CTC1: variants seen among roughly 807,000 people sequenced by gnomAD.
CTC1 encodes CST telomere replication complex component 1.
CTC1 carries 91 observed loss-of-function variants against 136.3 expected under a neutral mutation model. That is an observed-to-expected ratio of 0.67 (90% CI 0.56 to 0.79). The LOEUF (loss-of-function observed/expected upper bound fraction) is 0.79. Ranked by LOEUF, CTC1 falls within the 30% of genes least tolerant of loss-of-function variation. CTC1 has a pLI of 0.00. For missense variants in CTC1, 1,432 were observed against 1,498.1 expected (o/e 0.96, Z 0.73); for synonymous variants, 606 against 613.8 (o/e 0.99, Z 0.19).
In CTC1 at chr17:8,229,305, C is replaced by G. The variant is rs3027242; in HGVS notation, c.3153G>C (p.Arg1051=). ...GCCTGTTCCTTCCCTCCCTTACCTG[C>G]CGGCAGATGCTGGTACAATAAGCAC... ...WVCAYCTSIC[R]QGKCTRLGST... Residue 1051 remains arginine (R), a synonymous_variant, in exon 19 of 23, where the codon CGG becomes CGC. Coordinates refer to ENST00000651323, the MANE Select transcript of CTC1 (RefSeq NM_025099.6). 4,257 of 1,614,172 alleles carry G rather than the reference C, an allele frequency of 2.6e-3. 108 individuals are homozygous for G. In the African/African-American group the frequency reaches 0.051, roughly 19 times the overall value.
chr17:8,228,475 A>G, intron 22 of CTC1, 28 bp downstream of exon 22: 1 of 1,613,998 alleles, frequency 6.2e-7, no homozygotes, highest in Non-Finnish European at 8.5e-7. Flanking sequence ...TCCCCCTATC[A>G]TCATGATCCC....
At position 8,232,181 on chromosome 17, in the gene CTC1, G is replaced by A. The variant is rs1457756617; in HGVS notation, c.2107C>T (p.Pro703Ser). The change falls in exon 13 of 23, where the codon CCC becomes TCC. Residue 703 changes from proline (P) to serine (S), a missense_variant. Coordinates refer to ENST00000651323, the MANE Select transcript of CTC1 (RefSeq NM_025099.6). ...FLADALILPV[P>S]RPCLHSATPS... is the part of the protein sequence containing the mutation. ...GTTGCTGAATGAAGGCAGGGTCTGG[G>A]CACAGGCAGGATCAGGGCATCAGCC... 2 of 1,527,242 alleles carry A rather than the reference G, an allele frequency of 1.3e-6. No individual in the cohort carries two copies. Among genetic ancestry groups the A allele is most frequent in the Non-Finnish European group, 1.8e-6 (2 of 1,141,220 alleles). 94.6% of individuals were successfully genotyped at this position (1,527,242 alleles called of 1,614,324 possible). A position where few individuals can be genotyped will look rare whatever the true frequency, so the allele number is the denominator to read the frequency against.
chr17:8,242,547 AAAAAAAATATAT>A (rs1265217387), intron 2 of CTC1, among the ~76,000 whole-genome samples: 8,760 of 95,418 alleles, frequency 0.092, 223 homozygotes, highest in Non-Finnish European at 0.14. Flanking sequence ...AAAAAAAAAA[AAAAAAAATATAT>A]ATATATATAT....
intron 16 of CTC1, 26 bp downstream of exon 16, chr17:8,230,537 C>A (rs1987127818): frequency 1.2e-6 from 2 of 1,613,652 alleles, no homozygotes; most frequent in African/African-American, 2.7e-5. Flanking sequence ...TATTTCATAC[C>A]TTCCCCACAA....
Position 8,235,246 on chromosome 17 carries a change from T to TC in CTC1, c.1245dup (p.Thr416AspfsTer112). ...CAGGGGGCGAGCACTGGCCTTCTTG[T>TC]CCCCCCTCCCACTGACTGGAGCAGG... is the stretch of plus-strand genomic sequence containing the variant. On this transcript the variant is annotated frameshift_variant, in exon 8 of 23. Coordinates refer to ENST00000651323, the MANE Select transcript of CTC1 (RefSeq NM_025099.6). LOFTEE classifies it high-confidence loss of function. The TC allele has an allele frequency of 1.9e-6, 3 of 1,613,612 alleles. No homozygotes were observed. The highest frequency in any genetic ancestry group is 2.5e-6 in the Non-Finnish European group (3 of 1,179,868).
rs556183031 is a variant in CTC1, at chr17:8,227,936, G to A, written c.*244C>T. 3.4e-5 allele frequency: 15 copies of A among 436,432 alleles called. No individual in the cohort carries two copies. Among genetic ancestry groups the A allele is most frequent in the African/African-American group, 2.0e-4 (10 of 50,852 alleles). 27.0% of individuals were successfully genotyped at this position (436,432 alleles called of 1,614,324 possible). On this transcript the variant is annotated 3_prime_UTR_variant, in exon 23 of 23. Transcript: ENST00000651323. ...AGTCAGAACCCAGGTGCTCAGGGCCGCCTGTGAATGCAGGTGCCTTGTCCC... is the reference window on the plus strand; with the variant it reads ...AGTCAGAACCCAGGTGCTCAGGGCCACCTGTGAATGCAGGTGCCTTGTCCC...
chr17:8,234,834 A>G lies in CTC1; in HGVS notation c.1532T>C (p.Leu511Pro). 1 of 1,613,456 alleles carries G rather than the reference A, an allele frequency of 6.2e-7. No individual in the cohort carries two copies. Among genetic ancestry groups the G allele is most frequent in the Non-Finnish European group, 8.5e-7 (1 of 1,179,688 alleles). Residue 511 changes from leucine (L) to proline (P), a missense_variant, in exon 9 of 23, where the codon CTG becomes CCG. By Grantham distance (98) the Leu-to-Pro change is moderately conservative. Transcript: ENST00000651323. ...SLGLQLLAPTLDLLAPPGSPV... is the reference protein window; with the variant it reads ...SLGLQLLAPTPDLLAPPGSPV... The stretch of plus-strand genomic sequence containing the variant: ...GCTGCCTGGCGGAGCTAGAAGATCC[A>G]GGGTAGGAGCCAGGAGTTGCAGTCC...
chr17:8,231,065 A>G, intron 15 of CTC1: 1 of 506,442 alleles, frequency 2.0e-6, no homozygotes, highest in African/African-American at 1.9e-5. Context: ...CCTTCGAACC[A>G]GGGAAGTAGA....
chr17:8,233,799 C>T lies in CTC1; in HGVS notation c.1818+656G>A, dbSNP rs1346206498. ...ATAAAAAAATAAAATTAGCCAGGGACGGTGGTGAACGCCCGTAGTCTCAGC... is the reference window on the plus strand; with the variant it reads ...ATAAAAAAATAAAATTAGCCAGGGATGGTGGTGAACGCCCGTAGTCTCAGC... On this transcript the variant is annotated intron_variant, in intron 10 of 22. Coordinates refer to ENST00000651323, the MANE Select transcript of CTC1 (RefSeq NM_025099.6). Among the ~76,000 whole-genome samples the T allele has an allele frequency of 2.7e-5, 4 of 150,872 alleles. No individual in the cohort carries two copies. In the South Asian group the frequency reaches 6.3e-4, roughly 24 times the overall value.
rs776568637 is a variant in CTC1 at position 8,230,600 on chromosome 17, T to G, written c.2721A>C (p.Leu907=). 1.1e-5 allele frequency: 18 copies of G among 1,614,122 alleles called. No individual in the cohort carries two copies. In the Middle Eastern group the frequency reaches 1.7e-3, roughly 148 times the overall value. The part of the protein sequence containing the change: ...SFSAEILSRT[L]CEPLVASLWM... ...AGAGAGACGCCACAAGGGGTTCACA[T>G]AGTGTCCGTGACAAAATCTCAGCGG... is the stretch of plus-strand genomic sequence containing the variant. Residue 907 remains leucine, a synonymous_variant, in exon 16 of 23, where the codon CTA becomes CTC. Transcript: ENST00000651323.
At chr17:8,231,174 G>A in intron 15 of CTC1, 102 bp downstream of exon 15, 1 of 962,172 alleles carries the variant, frequency 1.0e-6, no homozygotes, top group Non-Finnish European at 1.5e-6. Context: ...AATAACAAAA[G>A]AAATACCTCC....
At position 8,238,231 on chromosome 17, in the gene CTC1, C is replaced by G; in HGVS notation, c.447G>C (p.Leu149=). The G allele has an allele frequency of 6.2e-7, 1 of 1,606,892 alleles. No individual in the cohort carries two copies. The highest frequency in any genetic ancestry group is 8.5e-7 in the Non-Finnish European group (1 of 1,175,050). Residue 149 remains leucine, a synonymous_variant, in exon 4 of 23, where the codon CTG becomes CTC. Coordinates refer to ENST00000651323, the MANE Select transcript of CTC1 (RefSeq NM_025099.6). ...AAAGATGGCCCAACCAAGAAAGGTC[C>G]AGGTCTATGAGCTAAGAAAGACCAA... ...TGVLSCELID[L]DLSWLGHLFL...
In CTC1 at chr17:8,248,008, G is replaced by T; in HGVS notation, c.29C>A (p.Ser10Tyr). The change falls in exon 1 of 23, where the codon TCC (serine) becomes TAC (tyrosine). Residue 10 changes from serine (S) to tyrosine (Y), a missense_variant. Physicochemically the swap from Ser to Tyr is moderately radical, Grantham distance 144. Coordinates refer to ENST00000651323, the MANE Select transcript of CTC1 (RefSeq NM_025099.6). ...AGACGTAATAGCAGCACTCACGGAG[G>T]AAGGGACCTGGGCCCGGCCAGCCGC... MAAGRAQVPSSEQAWLEDAQ... is the reference protein window; with the variant it reads MAAGRAQVPYSEQAWLEDAQ... 1.3e-6 allele frequency: 2 copies of T among 1,577,602 alleles called. No homozygotes were observed. The highest frequency in any genetic ancestry group is 2.2e-5 in the South Asian group (2 of 90,332).
At chr17:8,229,818 T>C in intron 18 of CTC1, 73 bp downstream of exon 18, 2 of 1,318,890 alleles carry the variant, frequency 1.5e-6, no homozygotes, top group Non-Finnish European at 2.2e-6. Context: ...TGGCAAAATC[T>C]TCAGAACCAG....
In CTC1 at chr17:8,226,706, C is replaced by G. The variant is rs78517666; in HGVS notation, c.*1474G>C. ...GCCACGACTACGAGGCTTAGGGCTTCGTTTTCATCCAATGCCTTTCTTACT... is the reference window on the plus strand; with the variant it reads ...GCCACGACTACGAGGCTTAGGGCTTGGTTTTCATCCAATGCCTTTCTTACT... On this transcript the variant is annotated 3_prime_UTR_variant, in exon 23 of 23. Coordinates refer to ENST00000651323, the MANE Select transcript of CTC1 (RefSeq NM_025099.6). 17 of 152,250 alleles carry G rather than the reference C, an allele frequency of 1.1e-4. No homozygotes were observed. In the East Asian group the frequency reaches 2.9e-3, roughly 26 times the overall value. The allele number at this position is 152,250 out of a possible 1,614,324, so 9.4% of individuals were successfully genotyped here. A position where few individuals can be genotyped will look rare whatever the true frequency, so the allele number is the denominator to read the frequency against.
chr17:8,234,335 G>T (rs904506858), intron 10 of CTC1, 120 bp downstream of exon 10: 247 of 953,132 alleles, frequency 2.6e-4, no homozygotes, highest in Middle Eastern at 2.2e-3. Context: ...AGATGAAGTG[G>T]TCTGCTTAGA....
chr17:8,230,048 CCA>C lies in CTC1; in HGVS notation c.2934-82_2934-81del, dbSNP rs1987077424. 3.7e-6 allele frequency: 5 copies of C among 1,359,000 alleles called. No individual in the cohort carries two copies. In the South Asian group the frequency reaches 4.8e-5, roughly 13 times the overall value. The allele number at this position is 1,359,000 out of a possible 1,614,324, so 84.2% of individuals were successfully genotyped here. ...GAAGCTGGGACTCAGAGATCAAGCA[CCA>C]CAGAGTGGCCACTCCCCCTGAGGGA... On this transcript the variant is annotated intron_variant, in intron 17 of 22. Coordinates refer to ENST00000651323, the MANE Select transcript of CTC1 (RefSeq NM_025099.6).
At position 8,234,608 on chromosome 17, in the gene CTC1, C is replaced by T. The variant is rs1244478971; in HGVS notation, c.1665G>A (p.Leu555=). Residue 555 remains leucine, a synonymous_variant, in exon 10 of 23, where the codon CTG becomes CTA. Coordinates refer to ENST00000651323, the MANE Select transcript of CTC1 (RefSeq NM_025099.6). ...AGGCCTTACGCTGTCCTTCTTCTTTCAGGGTGGCCAGAGTGGGGAAGGAGG... is the reference window on the plus strand; with the variant it reads ...AGGCCTTACGCTGTCCTTCTTCTTTTAGGGTGGCCAGAGTGGGGAAGGAGG... ...TPSSFPTLAT[L]KEEGQRKAWA... The T allele has an allele frequency of 1.2e-6, 2 of 1,612,686 alleles. No individual in the cohort carries two copies.
At chr17:8,230,248 G>GCCAC in intron 17 of CTC1, 46 bp downstream of exon 17, 10 of 1,565,466 alleles carry the variant, frequency 6.4e-6, no homozygotes, top group Non-Finnish European at 8.7e-6. Flanking sequence ...ATTCCAGAGA[G>GCCAC]CCACATCAGT....
Sources: allele counts gnomAD v4.1 joint callset (sites outside exome capture counted in the v4.1 genomes callset), GRCh38; gene constraint gnomAD v4.1.1; transcripts MANE v1.5; gene names NCBI Gene and HGNC (gene_info 2026-07-23, HGNC 2026-07-21).